SYCP2L: variants seen among roughly 807,000 people sequenced by gnomAD.
The protein encoded by SYCP2L is synaptonemal complex protein 2-like.
A neutral mutation model predicts 125.8 loss-of-function variants in SYCP2L; 98 were observed. That is an observed-to-expected ratio of 0.78 (90% CI 0.66 to 0.92). The LOEUF is 0.92. Among genes scored for constraint, SYCP2L ranks in the 40% least tolerant of loss-of-function variants. The pLI, the probability that SYCP2L is intolerant of heterozygous loss-of-function variation, is 0.00. For missense variants in SYCP2L, 842 were observed against 936.4 expected (o/e 0.90, Z 1.32); for synonymous variants, 317 against 325.4 (o/e 0.97, Z 0.28).
rs772248473 is a variant in SYCP2L, at chr6:10,907,639, C to A, written c.774C>A (p.Val258=). Reference sequence around the variant, plus strand: ...TCCATAAATGGTTTGATGATGAAGTCATTGCTGAAGCTTTCAAAGAAATTA... The same window carrying A: ...TCCATAAATGGTTTGATGATGAAGTAATTGCTGAAGCTTTCAAAGAAATTA... ...ELVHKWFDDE[V]IAEAFKEIKD... Residue 258 remains valine (V), a synonymous_variant, in exon 10 of 30, where the codon GTC becomes GTA. Coordinates refer to ENST00000283141, the MANE Select transcript of SYCP2L (RefSeq NM_001040274.3). 1.2e-6 allele frequency: 2 copies of A among 1,613,880 alleles called. No individual in the cohort carries two copies. The highest frequency in any genetic ancestry group is 2.2e-5 in the South Asian group (2 of 91,030).
chr6:10,930,122 C>A (rs537991530), intron 18 of SYCP2L: 276 of 304,664 alleles, frequency 9.1e-4, no homozygotes, highest in African/African-American at 5.6e-3. Context: ...CATCCACCAT[C>A]TCTTCTGTTG....
chr6:10,940,199 G>A (rs1403047592), intron 21 of SYCP2L, among the ~76,000 whole-genome samples: 5 of 152,214 alleles, frequency 3.3e-5, no homozygotes, highest in Non-Finnish European at 7.4e-5. Flanking sequence ...GTTGGCAAGG[G>A]TATGGAGAGA....
chr6:10,907,478 A>T, intron 9 of SYCP2L, 64 bp from the exon 10 acceptor site: 1 of 1,487,864 alleles, frequency 6.7e-7, no homozygotes, highest in Non-Finnish European at 9.1e-7. Flanking sequence ...CTAAATCTGG[A>T]ACTCATTTTT....
At chr6:10,930,599 T>C (rs927907653) in intron 19 of SYCP2L, 85 bp downstream of exon 19, 6 of 1,450,178 alleles carry the variant, frequency 4.1e-6, no homozygotes, top group Non-Finnish European at 4.6e-6. Context: ...ATAATGGGAG[T>C]GGGTCCAAAG....
chr6:10,973,425 C>T (rs893774212), intron 29 of SYCP2L, among the ~76,000 whole-genome samples: 5 of 152,142 alleles, frequency 3.3e-5, no homozygotes, highest in Non-Finnish European at 7.3e-5. Context: ...TCCAGCTACT[C>T]AGGAAACTGA....
chr6:10,906,168 AGG>A (rs1780485006), intron 9 of SYCP2L, 114 bp downstream of exon 9: 1 of 605,014 alleles, frequency 1.7e-6, no homozygotes, highest in African/African-American at 1.9e-5. Context: ...GATAGGAATC[AGG>A]GTTTTATTTT....
At chr6:10,909,967 G>C (rs535057581) in intron 10 of SYCP2L, among the ~76,000 whole-genome samples, 181 bp from the exon 11 acceptor site, 9 of 152,296 alleles carry the variant, frequency 5.9e-5, no homozygotes, top group Non-Finnish European at 1.3e-4. Flanking sequence ...CATGATCCTG[G>C]AGCCTCCTCT....
intron 29 of SYCP2L, 36 bp from the exon 30 acceptor site, chr6:10,973,916 T>C (rs1431689779): frequency 3.3e-5 from 5 of 152,256 alleles, no homozygotes; most frequent in Non-Finnish European, 7.3e-5. Context: ...AGTTCGGCCT[T>C]GACTAATTAC....
At chr6:10,937,158 C>T (rs1052837137) in intron 21 of SYCP2L, among the ~76,000 whole-genome samples, 6 of 152,032 alleles carry the variant, frequency 3.9e-5, no homozygotes, top group Admixed American at 1.3e-4. Flanking sequence ...GTGTACAGTG[C>T]GCATGGGACA....
chr6:10,961,439 C>A, intron 27 of SYCP2L, 35 bp downstream of exon 27: 2 of 1,613,146 alleles, frequency 1.2e-6, no homozygotes, highest in Non-Finnish European at 1.7e-6. Context: ...TTTCTGACTT[C>A]GGATCTTTCC....
chr6:10,892,221 G>A (rs1269812873), intron 2 of SYCP2L, among the ~76,000 whole-genome samples: 2 of 152,236 alleles, frequency 1.3e-5, no homozygotes, highest in African/African-American at 2.4e-5. Flanking sequence ...AGGTCAGACT[G>A]TCAGAGATCA....
At chr6:10,896,942 T>C (rs1447290426) in intron 4 of SYCP2L, among the ~76,000 whole-genome samples, 2 of 152,222 alleles carry the variant, frequency 1.3e-5, no homozygotes, top group Non-Finnish European at 2.9e-5. Context: ...ATACAGAGTT[T>C]TGAAGGCCTG....
chr6:10,939,858 C>T (rs1444543372), intron 21 of SYCP2L, among the ~76,000 whole-genome samples: 1 of 152,152 alleles, frequency 6.6e-6, no homozygotes, highest in Admixed American at 6.5e-5. Flanking sequence ...CTATGTCATA[C>T]TAAAAATCTT....
chr6:10,956,492 G>A (rs1781504844), intron 25 of SYCP2L, among the ~76,000 whole-genome samples: 1 of 152,136 alleles, frequency 6.6e-6, no homozygotes, highest in Non-Finnish European at 1.5e-5. Flanking sequence ...ACAGCATGGT[G>A]ACTATAGTTA....
Position 10,930,526 on chromosome 6 carries a change from ATGTCT to A in SYCP2L, c.1633+14_1633+18del. ...AAGTAATTTGAGAAGTAAGTCTGGC[ATGTCT>A]TCTTTTGAATCACTTTTCAAATAGT... On this transcript the variant is annotated intron_variant, in intron 19 of 29. Transcript: ENST00000283141. The A allele has an allele frequency of 1.9e-6, 3 of 1,605,314 alleles. No individual in the cohort carries two copies. Among genetic ancestry groups the A allele is most frequent in the Non-Finnish European group, 2.6e-6 (3 of 1,176,344 alleles).
At chr6:10,948,999 C>T (rs1315848465) in intron 23 of SYCP2L, among the ~76,000 whole-genome samples, 1 of 151,950 alleles carries the variant, frequency 6.6e-6, no homozygotes, top group Non-Finnish European at 1.5e-5. Flanking sequence ...GTAGTTGTTT[C>T]CTTTTTATTG....
intron 21 of SYCP2L, among the ~76,000 whole-genome samples, chr6:10,939,929 A>AT (rs111871428): frequency 0.044 from 6,727 of 152,294 alleles, 336 homozygotes; most frequent in East Asian, 0.22. Context: ...GGGAGAAAAT[A>AT]TTGCAAATCA....
intron 28 of SYCP2L, 74 bp from the exon 29 acceptor site, chr6:10,963,708 T>C (rs1781629307): frequency 7.0e-7 from 1 of 1,424,450 alleles, no homozygotes; most frequent in South Asian, 1.2e-5. Flanking sequence ...GATATGCAGA[T>C]GTATCTAGAT....
At chr6:10,973,405 C>T (rs573944168) in intron 29 of SYCP2L, among the ~76,000 whole-genome samples, 16 of 152,276 alleles carry the variant, frequency 1.1e-4, no homozygotes, top group Admixed American at 6.5e-4. Flanking sequence ...TGATGTTGCA[C>T]GCCTGTAATT....
Sources: allele counts gnomAD v4.1 joint callset (sites outside exome capture counted in the v4.1 genomes callset), GRCh38; gene constraint gnomAD v4.1.1; transcripts MANE v1.5; gene names NCBI Gene and HGNC (gene_info 2026-07-23, HGNC 2026-07-21).